NR2F2: variants seen among roughly 807,000 people sequenced by gnomAD.
NR2F2 encodes COUP transcription factor 2.
NR2F2 carries 2 observed loss-of-function variants against 34.8 expected under a neutral mutation model. The observed-to-expected ratio is 0.06, with a 90% CI of 0.02 to 0.18. The LOEUF (loss-of-function observed/expected upper bound fraction) is 0.18. Among genes scored for constraint, NR2F2 ranks in the 10% least tolerant of loss-of-function variants. NR2F2 has a pLI of 1.00. For synonymous variants in NR2F2, 274 were observed against 251.8 expected (o/e 1.09, Z -0.84); for missense variants, 300 against 580.1 (o/e 0.52, Z 4.96).
Position 96,337,932 on chromosome 15 carries a change from C to T in NR2F2, c.*310C>T. On this transcript the variant is annotated 3_prime_UTR_variant, in exon 3 of 3. Coordinates refer to ENST00000394166, the MANE Select transcript of NR2F2 (RefSeq NM_021005.4). Reference sequence around the variant, plus strand: ...TTTGGTAAATTTTTGAAAAATATTGCTAAAAGTGCATTTAAGGAGATTGGG... The same window carrying T: ...TTTGGTAAATTTTTGAAAAATATTGTTAAAAGTGCATTTAAGGAGATTGGG... 1 of 229,318 alleles carries T rather than the reference C, an allele frequency of 4.4e-6. No homozygotes were observed. The highest frequency in any genetic ancestry group is 8.4e-6 in the Non-Finnish European group (1 of 119,068). 14.2% of individuals were successfully genotyped at this position (229,318 alleles called of 1,614,324 possible).
In NR2F2 at chr15:96,334,392, T is replaced by C. The variant is rs1243616528; in HGVS notation, c.759T>C (p.Phe253=). The C allele has an allele frequency of 1.1e-5, 18 of 1,613,964 alleles. No homozygotes were observed. The highest frequency in any genetic ancestry group is 1.4e-5 in the Non-Finnish European group (17 of 1,180,008). The part of the protein sequence containing the change: ...ALLRLTWSEL[F]VLNAAQCSMP... ...TTCGCCTCACCTGGAGCGAGCTGTT[T>C]GTGTTGAATGCGGCGCAGTGCTCCA... Residue 253 remains phenylalanine, a synonymous_variant, in exon 2 of 3, where the codon TTT becomes TTC. Transcript: ENST00000394166.
At chr15:96,328,455 A>G (rs577297520), upstream of NR2F2, among the ~76,000 whole-genome samples, 27 of 152,280 alleles carry the variant, frequency 1.8e-4, no homozygotes, top group African/African-American at 6.0e-4. Flanking sequence ...CTCTATTGAG[A>G]TGGGAATGCC....
intron 1 of NR2F2, chr15:96,333,675 A>T: frequency 9.1e-7 from 1 of 1,099,400 alleles, no homozygotes; most frequent in Non-Finnish European, 1.1e-6. Context: ...AAAGCGCCTC[A>T]CCCTCCCCCC....
intron 1 of NR2F2, 196 bp downstream of exon 1, chr15:96,332,743 C>T: frequency 8.3e-7 from 1 of 1,210,472 alleles, no homozygotes; most frequent in Middle Eastern, 2.9e-4. Context: ...GACTGATTTC[C>T]TTCTTTACTC....
upstream of NR2F2, among the ~76,000 whole-genome samples, chr15:96,329,599 G>C (rs1567136334): frequency 2.0e-5 from 3 of 152,114 alleles, no homozygotes; most frequent in Admixed American, 1.3e-4. Context: ...AAGCATAGTC[G>C]GTGAAGTCTT....
In NR2F2 at chr15:96,339,096, GA is replaced by G. The variant is rs201325566; in HGVS notation, c.*1485del. 1,939 of 142,518 alleles carry G rather than the reference GA, an allele frequency of 0.014. 31 individuals are homozygous for G. The highest frequency in any genetic ancestry group is 0.041 in the African/African-American group (1,587 of 39,010). The allele number at this position is 142,518 out of a possible 1,614,324, so 8.8% of individuals were successfully genotyped here. On this transcript the variant is annotated 3_prime_UTR_variant, in exon 3 of 3. Transcript: ENST00000394166. The stretch of plus-strand genomic sequence containing the variant: ...TTTTAATTAAAAATGGATTTTCCAG[GA>G]AAAAAAAAAAGGCCCTTATATTTGT...
rs747521046 is a variant in NR2F2, at chr15:96,334,235, T to C, written c.602T>C (p.Met201Thr). ...YPTSRFGSQC[M>T]QPNNIMGIEN... ...ACGTCGCGCTTCGGCAGCCAATGCA[T>C]GCAGCCCAACAACATCATGGGTATC... is the stretch of plus-strand genomic sequence containing the variant. The change falls in exon 2 of 3, where the codon ATG becomes ACG. Residue 201 changes from methionine to threonine, a missense_variant. This residue lies in a region of NR2F2 where 164 missense variants were observed against 365.3 expected (regional missense o/e 0.45). Coordinates refer to ENST00000394166, the MANE Select transcript of NR2F2 (RefSeq NM_021005.4). The C allele has an allele frequency of 1.9e-6, 3 of 1,614,094 alleles. No homozygotes were observed. The highest frequency in any genetic ancestry group is 2.2e-5 in the East Asian group (1 of 44,890).
At chr15:96,334,687 A>T in intron 2 of NR2F2, 84 bp downstream of exon 2, 1 of 1,455,248 alleles carries the variant, frequency 6.9e-7, no homozygotes, top group Non-Finnish European at 9.2e-7. Flanking sequence ...CCCAGGGCAA[A>T]CCCAGTCTGC....
upstream of NR2F2, among the ~76,000 whole-genome samples, chr15:96,326,668 T>C (rs1898997181): frequency 6.6e-6 from 1 of 152,112 alleles, no homozygotes; most frequent in Non-Finnish European, 1.5e-5. The surrounding 1 kb of genome is among the most constrained non-coding windows in gnomAD (Gnocchi z 5.5). Context: ...TCGTCCTGTC[T>C]CCTCAAACTC....
At chr15:96,328,414 GA>G (rs2141162971), upstream of NR2F2, among the ~76,000 whole-genome samples, 1 of 152,324 alleles carries the variant, frequency 6.6e-6, no homozygotes, top group South Asian at 2.1e-4. Flanking sequence ...GAGGTGAGAT[GA>G]AGATTTCCCT....
At chr15:96,336,719 C>T (rs907419913) in intron 2 of NR2F2, among the ~76,000 whole-genome samples, 3 of 152,022 alleles carry the variant, frequency 2.0e-5, no homozygotes, top group African/African-American at 7.2e-5. Flanking sequence ...GGAAAAGAAA[C>T]AGCTCAAATG....
intron 2 of NR2F2, among the ~76,000 whole-genome samples, chr15:96,335,157 G>A (rs1024664955): frequency 2.4e-4 from 36 of 152,228 alleles, no homozygotes; most frequent in Non-Finnish European, 5.1e-4. Flanking sequence ...CAGGAGAGGC[G>A]AAAAGATGTG....
intron 1 of NR2F2, chr15:96,333,314 T>C (rs1462796823): frequency 1.0e-6 from 1 of 999,680 alleles, no homozygotes; most frequent in Non-Finnish European, 1.2e-6. Context: ...GGGGTTTCTT[T>C]GTGTTTCTGC....
intron 1 of NR2F2, chr15:96,333,716 A>C: frequency 8.3e-7 from 1 of 1,197,958 alleles, no homozygotes; most frequent in Non-Finnish European, 1.0e-6. Context: ...CTCTCCTCCA[A>C]TCAATAAGAA....
At chr15:96,333,235 G>A (rs1217721320) in intron 1 of NR2F2, 5 of 611,496 alleles carry the variant, frequency 8.2e-6, no homozygotes, top group Non-Finnish European at 8.5e-6. Flanking sequence ...GCCGAGCGCC[G>A]CGAGCCGTGC....
chr15:96,334,003 G>A lies in NR2F2; in HGVS notation c.443-73G>A, dbSNP rs933092159. On this transcript the variant is annotated intron_variant, in intron 1 of 2. Coordinates refer to ENST00000394166, the MANE Select transcript of NR2F2 (RefSeq NM_021005.4). ...CTGGGTCAGGTGGGGGTCGGGCTGGGGCAGACCCCGCCGGGGAACCTGGGG... is the reference window on the plus strand; with the variant it reads ...CTGGGTCAGGTGGGGGTCGGGCTGGAGCAGACCCCGCCGGGGAACCTGGGG... 6.4e-5 allele frequency: 99 copies of A among 1,556,776 alleles called. 1 individual carries two copies. In the Admixed American group the frequency reaches 1.7e-3, roughly 27 times the overall value.
At chr15:96,327,616 T>C (rs1470119475), upstream of NR2F2, among the ~76,000 whole-genome samples, 1 of 152,160 alleles carries the variant, frequency 6.6e-6, no homozygotes, top group East Asian at 1.9e-4. Context: ...TCCCTATTCA[T>C]GGAGCTCCAG....
At chr15:96,335,201 A>G (rs1444037340) in intron 2 of NR2F2, among the ~76,000 whole-genome samples, 4 of 152,262 alleles carry the variant, frequency 2.6e-5, no homozygotes, top group Admixed American at 6.5e-5. Context: ...AGGGACCGTC[A>G]TAACTCTTCA....
upstream of NR2F2, among the ~76,000 whole-genome samples, chr15:96,329,151 C>T (rs1235439882): frequency 6.6e-6 from 1 of 152,040 alleles, no homozygotes; most frequent in Non-Finnish European, 1.5e-5. Flanking sequence ...TAATTGTTCA[C>T]AAACCTGGTT....
Sources: gnomAD v4.1 joint callset for allele counts (sites outside exome capture counted in the v4.1 genomes callset) on GRCh38, gnomAD v4.1.1 for gene constraint, gnomAD v4.1.1 regional missense constraint, Gnocchi (gnomAD v3.1) non-coding constraint, MANE v1.5 for transcripts, NCBI Gene and HGNC (gene_info 2026-07-23, HGNC 2026-07-21) for gene names.